TNIK: variants seen among roughly 807,000 people sequenced by gnomAD.
TNIK encodes TRAF2 and NCK-interacting protein kinase.
TNIK carries 49 observed loss-of-function variants against 191.3 expected under a neutral mutation model. That is an observed-to-expected ratio of 0.26 (90% confidence interval 0.20 to 0.32). The LOEUF is 0.32. Ranked by LOEUF, TNIK falls within the 10% of genes least tolerant of loss-of-function variation. TNIK has a pLI of 1.00. For synonymous variants in TNIK, 594 were observed against 600.9 expected, an observed-to-expected ratio of 0.99 and a Z score of 0.17; for missense variants, 1,155 against 1,702.3, an observed-to-expected ratio of 0.68 and a Z score of 5.66.
chr3:171,178,900 A>C (rs1323679904), intron 7 of TNIK, among the ~76,000 whole-genome samples: 1 of 152,148 alleles, frequency 6.6e-6, no homozygotes, highest in African/African-American at 2.4e-5. Context: ...AAAATTCATA[A>C]CCTTCATGCT....
At chr3:171,231,169 C>T (rs558353965) in intron 2 of TNIK, among the ~76,000 whole-genome samples, 40 of 152,320 alleles carry the variant, frequency 2.6e-4, no homozygotes, top group African/African-American at 8.9e-4. Flanking sequence ...AGAGATGAGG[C>T]GGGATAAAAG....
At chr3:171,281,990 C>CA (rs35982170) in intron 2 of TNIK, among the ~76,000 whole-genome samples, 1 of 151,936 alleles carries the variant, frequency 6.6e-6, no homozygotes, top group South Asian at 2.1e-4. Flanking sequence ...TGATTTTGGC[C>CA]AAAAAATAAT....
rs1213402900 is a variant in TNIK at position 171,061,702 on chromosome 3, A to G, written c.*2179T>C. The G allele has an allele frequency of 6.6e-6, 1 of 152,222 alleles. No homozygotes were observed. Among genetic ancestry groups the G allele is most frequent in the Non-Finnish European group, 1.5e-5 (1 of 68,022 alleles). The allele number at this position is 152,222 out of a possible 1,614,324, so 9.4% of individuals were successfully genotyped here. Reference sequence around the variant, plus strand: ...GCAGCAATATAAAGAGCTGGTGGCAATCACATTCGGGAGTGAAATCGAAAT... The same window carrying G: ...GCAGCAATATAAAGAGCTGGTGGCAGTCACATTCGGGAGTGAAATCGAAAT... On this transcript the variant is annotated 3_prime_UTR_variant, in exon 33 of 33. Transcript: ENST00000436636.
At chr3:171,220,428 C>G (rs1249821747) in intron 3 of TNIK, among the ~76,000 whole-genome samples, 1 of 151,986 alleles carries the variant, frequency 6.6e-6, no homozygotes, top group Non-Finnish European at 1.5e-5. Context: ...CTGAACTTCC[C>G]AAGTCATTAA....
intron 2 of TNIK, among the ~76,000 whole-genome samples, chr3:171,335,754 C>T (rs541481024): frequency 6.6e-6 from 1 of 152,072 alleles, no homozygotes; most frequent in Non-Finnish European, 1.5e-5. Context: ...TTGGTACTGG[C>T]GTGTGTTTTA....
intron 1 of TNIK, among the ~76,000 whole-genome samples, chr3:171,400,108 A>G (rs1348618852): frequency 6.6e-6 from 1 of 152,250 alleles, no homozygotes; most frequent in Middle Eastern, 3.4e-3. Flanking sequence ...CCGGGACCTG[A>G]TGGGTTTTCT....
chr3:171,357,319 C>G (rs1399510461), intron 2 of TNIK, among the ~76,000 whole-genome samples: 1 of 151,314 alleles, frequency 6.6e-6, no homozygotes, highest in African/African-American at 2.4e-5. Flanking sequence ...TGGAGTCTCC[C>G]TTTGTGGCCC....
intron 12 of TNIK, among the ~76,000 whole-genome samples, chr3:171,155,536 C>T (rs1282220391): frequency 6.6e-5 from 10 of 152,242 alleles, no homozygotes; most frequent in African/African-American, 1.4e-4. Context: ...TGCTGGCTGA[C>T]GTCTTCTGTG....
At chr3:171,342,831 T>A (rs1030437749) in intron 2 of TNIK, among the ~76,000 whole-genome samples, 1 of 152,178 alleles carries the variant, frequency 6.6e-6, no homozygotes, top group Admixed American at 6.5e-5. Flanking sequence ...CCTCATGTCA[T>A]GGGGGACCCA....
chr3:171,157,431 G>C, intron 12 of TNIK, 29 bp downstream of exon 12: 1 of 1,550,188 alleles, frequency 6.5e-7, no homozygotes, highest in Non-Finnish European at 8.7e-7. Context: ...AGAGGCTTGG[G>C]GTCAGAGGTG....
rs549880082 is a variant in TNIK, at chr3:171,327,838, T to A, written c.123+41782A>T. ...CCAAACTGTTGCTCCACTCCATTGTTCTATATTACATAGAGCCAATATCAA... is the reference window on the plus strand; with the variant it reads ...CCAAACTGTTGCTCCACTCCATTGTACTATATTACATAGAGCCAATATCAA... On this transcript the variant is annotated intron_variant, in intron 2 of 32. Transcript: ENST00000436636. 9.7e-5 allele frequency among the ~76,000 whole-genome samples: 14 copies of A among 144,630 alleles called. No homozygotes were observed. The South Asian group carries it at 2.8e-3, about 29-fold the overall frequency. The allele number at this position is 144,630 out of a possible 152,430, so 94.9% of individuals were successfully genotyped here.
intron 1 of TNIK, among the ~76,000 whole-genome samples, chr3:171,403,264 A>G (rs942107079): frequency 6.6e-6 from 1 of 152,104 alleles, no homozygotes; most frequent in African/African-American, 2.4e-5. Flanking sequence ...AGAGTGTAGA[A>G]CTACACTAGT....
chr3:171,401,625 G>A (rs949321376), intron 1 of TNIK, among the ~76,000 whole-genome samples: 71 of 152,178 alleles, frequency 4.7e-4, no homozygotes, highest in African/African-American at 1.7e-3. Flanking sequence ...GGCAGGAGGA[G>A]GGGCAACACT....
At chr3:171,160,915 A>G (rs1370069550) in intron 11 of TNIK, among the ~76,000 whole-genome samples, 1 of 152,248 alleles carries the variant, frequency 6.6e-6, no homozygotes, top group Non-Finnish European at 1.5e-5. Flanking sequence ...CGCAAGTCCG[A>G]AAATACCACT....
intron 22 of TNIK, among the ~76,000 whole-genome samples, chr3:171,097,125 T>C (rs574676350): frequency 4.1e-4 from 62 of 152,270 alleles, no homozygotes; most frequent in Non-Finnish European, 7.8e-4. Context: ...TGTATATAAA[T>C]TTTAAAAAAT....
chr3:171,125,887 A>G, intron 17 of TNIK, 25 bp downstream of exon 17: 1 of 1,612,110 alleles, frequency 6.2e-7, no homozygotes, highest in Middle Eastern at 1.7e-4. Context: ...CTGGTGATTA[A>G]AAAAAACACC....
chr3:171,256,081 A>G (rs1746826138), intron 2 of TNIK, among the ~76,000 whole-genome samples: 1 of 152,206 alleles, frequency 6.6e-6, no homozygotes, highest in Non-Finnish European at 1.5e-5. Context: ...GAAAAGAAGG[A>G]AAACAGCTCC....
At chr3:171,299,174 A>G (rs564847935) in intron 2 of TNIK, among the ~76,000 whole-genome samples, 1 of 152,248 alleles carries the variant, frequency 6.6e-6, no homozygotes, top group Admixed American at 6.5e-5. Flanking sequence ...AGGACTTTGC[A>G]TCTTGCAAAC....
At chr3:171,067,751 G>C (rs943202185) in intron 30 of TNIK, among the ~76,000 whole-genome samples, 1 of 151,868 alleles carries the variant, frequency 6.6e-6, no homozygotes, top group African/African-American at 2.4e-5. Context: ...ATGTTGTTGT[G>C]ATCCCCTAGT....
Sources: allele counts gnomAD v4.1 joint callset (sites outside exome capture counted in the v4.1 genomes callset), GRCh38; gene constraint gnomAD v4.1.1; transcripts MANE v1.5; gene names NCBI Gene and HGNC (gene_info 2026-07-23, HGNC 2026-07-21).